SAMD12: variants seen among roughly 807,000 people sequenced by gnomAD.
The protein encoded by SAMD12 is sterile alpha motif domain containing 12, also known as sterile alpha motif domain-containing protein 12.
Under a neutral mutation model 15.0 loss-of-function variants are expected in SAMD12, and 9 were observed. That is an observed-to-expected ratio of 0.60 (90% CI 0.36 to 1.05). SAMD12 has a LOEUF of 1.05. Ranked by LOEUF, SAMD12 falls within the 50% of genes least tolerant of loss-of-function variation. SAMD12 has a pLI of 0.01. For synonymous variants in SAMD12, 86 were observed against 90.1 expected, an observed-to-expected ratio of 0.96 and a Z score of 0.25; for missense variants, 230 against 234.2, an observed-to-expected ratio of 0.98 and a Z score of 0.12.
chr8:118,562,318 C>T (rs931224672), intron 2 of SAMD12, among the ~76,000 whole-genome samples: 4 of 152,130 alleles, frequency 2.6e-5, no homozygotes, highest in African/African-American at 9.7e-5. Context: ...TCGGCTGTCA[C>T]TGGCATCAAG....
intron 4 of SAMD12, among the ~76,000 whole-genome samples, chr8:118,247,681 C>T (rs1481717264): frequency 6.6e-6 from 1 of 152,030 alleles, no homozygotes; most frequent in East Asian, 1.9e-4. Flanking sequence ...CAACCTCCAC[C>T]TCCCAGGCTC....
chr8:118,459,254 CG>C (rs1268587021), intron 2 of SAMD12, among the ~76,000 whole-genome samples: 2 of 152,060 alleles, frequency 1.3e-5, no homozygotes, highest in Admixed American at 1.3e-4. Context: ...TTAGTGGAAA[CG>C]GGGTTTCATC....
intron 2 of SAMD12, among the ~76,000 whole-genome samples, chr8:118,534,200 G>T (rs552802974): frequency 6.6e-6 from 1 of 152,152 alleles, no homozygotes; most frequent in South Asian, 2.1e-4. Context: ...CTTCACTTAT[G>T]AAGCTTAGTT....
At chr8:118,420,415 T>G (rs1001865917) in intron 3 of SAMD12, among the ~76,000 whole-genome samples, 2 of 152,210 alleles carry the variant, frequency 1.3e-5, no homozygotes, top group African/African-American at 4.8e-5. Flanking sequence ...TGGGACCAGA[T>G]GTACAATGTA....
rs1824242467 is a variant in SAMD12 at position 118,485,188 on chromosome 8, T to C, written c.193-45227A>G. Among the ~76,000 whole-genome samples the C allele has an allele frequency of 3.3e-5, 5 of 150,014 alleles. No homozygotes were observed. In the South Asian group the frequency reaches 8.5e-4, roughly 25 times the overall value. ...ACTAATATTCTGTTAGTAAACCAGA[T>C]GGCCTGGTTTGCAAAGACCCCCACC... is the stretch of plus-strand genomic sequence containing the variant. On this transcript the variant is annotated intron_variant, in intron 2 of 3. Coordinates refer to ENST00000314727, the MANE Select transcript of SAMD12 (RefSeq NM_207506.3).
intron 2 of SAMD12, among the ~76,000 whole-genome samples, chr8:118,484,434 CTT>C (rs1824221067): frequency 6.6e-6 from 1 of 152,068 alleles, no homozygotes; most frequent in Non-Finnish European, 1.5e-5. Flanking sequence ...GTTAAGTACT[CTT>C]ATCACAAAAT....
the SAMD12 span, among the ~76,000 whole-genome samples, chr8:118,139,037 GC>G: frequency 6.6e-6 from 1 of 152,072 alleles, no homozygotes; most frequent in Non-Finnish European, 1.5e-5. Context: ...ATAATTTTTG[GC>G]TTTCTGGCCC....
chr8:118,551,213 G>A (rs201599759), intron 2 of SAMD12, among the ~76,000 whole-genome samples: 2 of 152,182 alleles, frequency 1.3e-5, no homozygotes, highest in Non-Finnish European at 2.9e-5. Context: ...CCCAAATCAA[G>A]AGAATATACA....
chr8:118,258,825 T>C (rs1813012453), intron 4 of SAMD12, among the ~76,000 whole-genome samples: 1 of 152,050 alleles, frequency 6.6e-6, no homozygotes, highest in Non-Finnish European at 1.5e-5. Flanking sequence ...TGATACCAGC[T>C]TTGCCTGGCA....
At chr8:118,342,533 G>C (rs1406375943) in intron 4 of SAMD12, among the ~76,000 whole-genome samples, 4 of 152,110 alleles carry the variant, frequency 2.6e-5, no homozygotes, top group Non-Finnish European at 5.9e-5. Context: ...GTCCGATAAA[G>C]AATATAGTGA....
intron 2 of SAMD12, among the ~76,000 whole-genome samples, chr8:118,573,429 T>C (rs934190580): frequency 1.3e-5 from 2 of 152,184 alleles, no homozygotes; most frequent in African/African-American, 4.8e-5. Context: ...GGGTATTTTC[T>C]TATAGCAATG....
chr8:118,240,694 T>G (rs1365651043), intron 4 of SAMD12, among the ~76,000 whole-genome samples: 1 of 152,142 alleles, frequency 6.6e-6, no homozygotes, highest in Non-Finnish European at 1.5e-5. Context: ...TGGCAAATAT[T>G]TAAAATACTG....
chr8:118,194,177 C>A (rs1266001240), exon 5 of SAMD12: 3 of 152,128 alleles, frequency 2.0e-5, no homozygotes, highest in Non-Finnish European at 4.4e-5. Context: ...AGCTGATACG[C>A]CTTTTCTCCT....
intron 2 of SAMD12, among the ~76,000 whole-genome samples, chr8:118,451,778 A>C (rs1051898215): frequency 6.6e-6 from 1 of 152,118 alleles, no homozygotes; most frequent in Non-Finnish European, 1.5e-5. Flanking sequence ...GTCTATACAA[A>C]GTTTCCAATA....
At chr8:118,593,923 T>C (rs1311923711) in intron 1 of SAMD12, among the ~76,000 whole-genome samples, 1 of 152,244 alleles carries the variant, frequency 6.6e-6, no homozygotes, top group Non-Finnish European at 1.5e-5. Flanking sequence ...CTGTCTGCTG[T>C]TCTGACTTTC....
At chr8:118,133,914 T>C in the SAMD12 span, among the ~76,000 whole-genome samples, 1 of 152,182 alleles carries the variant, frequency 6.6e-6, no homozygotes, top group Non-Finnish European at 1.5e-5. Flanking sequence ...AATACTATAG[T>C]CCTGGTTGTT....
chr8:118,371,745 C>G (rs1320551457), intron 4 of SAMD12, among the ~76,000 whole-genome samples: 1 of 152,070 alleles, frequency 6.6e-6, no homozygotes, highest in Non-Finnish European at 1.5e-5. Flanking sequence ...AGGTCTAAAA[C>G]GTAAATCTGA....
intron 2 of SAMD12, among the ~76,000 whole-genome samples, chr8:118,512,120 C>T (rs1825107425): frequency 6.6e-6 from 1 of 152,100 alleles, no homozygotes; most frequent in African/African-American, 2.4e-5. Flanking sequence ...TTTGGAGCAC[C>T]TATCTAATAC....
intron 4 of SAMD12, among the ~76,000 whole-genome samples, chr8:118,360,115 G>C (rs1385365128): frequency 1.3e-5 from 2 of 152,262 alleles, no homozygotes; most frequent in Non-Finnish European, 2.9e-5. Context: ...AATACACAAA[G>C]AAGTCCACTG....
Sources: allele counts gnomAD v4.1 joint callset (sites outside exome capture counted in the v4.1 genomes callset), GRCh38; gene constraint gnomAD v4.1.1; transcripts MANE v1.5; gene names NCBI Gene and HGNC (gene_info 2026-07-23, HGNC 2026-07-21).